The following CSRNP3 variants were observed in gnomAD, a reference collection of about 807,000 sequenced individuals.
The protein encoded by CSRNP3 is cysteine and serine rich nuclear protein 3.
A neutral mutation model predicts 48.0 loss-of-function variants in CSRNP3; 12 were observed. The ratio of observed to expected loss-of-function variants is 0.25; its 90% CI spans 0.16 to 0.41. The LOEUF (loss-of-function observed/expected upper bound fraction) is 0.41, where lower values mean the gene tolerates loss of function less well. Among genes scored for constraint, CSRNP3 ranks in the 10% least tolerant of loss-of-function variants. CSRNP3 has a pLI of 1.00. For missense variants in CSRNP3, 580 were observed against 724.4 expected (o/e 0.80, Z 2.29); for synonymous variants, 263 against 269.7 (o/e 0.98, Z 0.24).
chr2:165,635,914 C>T (rs1686619795), intron 4 of CSRNP3, among the ~76,000 whole-genome samples: 1 of 152,100 alleles, frequency 6.6e-6, no homozygotes, highest in Non-Finnish European at 1.5e-5. Context: ...TCTTTCCCTC[C>T]TCAATTGTTC....
chr2:165,505,002 T>C lies in CSRNP3; in HGVS notation c.-113+10074T>C, dbSNP rs371694811. On this transcript the variant is annotated intron_variant, in intron 2 of 6. Transcript: ENST00000651982. ...CATGCAACCATGCTAAAAAATATAA[T>C]CGTCAACTAGTACATTGTATGGATT... Among the ~76,000 whole-genome samples, 83 of 152,200 alleles carry C rather than the reference T, an allele frequency of 5.5e-4. 2 individuals carry two copies. In the South Asian group the frequency reaches 0.017, roughly 30 times the overall value.
intron 1 of CSRNP3, among the ~76,000 whole-genome samples, chr2:165,477,315 T>C (rs1027302651): frequency 5.9e-5 from 9 of 151,302 alleles, no homozygotes; most frequent in African/African-American, 2.2e-4. Context: ...TAACGAAGGG[T>C]ATGTAATATT....
chr2:165,496,822 G>T (rs1307352595), intron 2 of CSRNP3, among the ~76,000 whole-genome samples: 3 of 151,766 alleles, frequency 2.0e-5, no homozygotes, highest in Non-Finnish European at 4.4e-5. Flanking sequence ...CAACCTCCTA[G>T]GTGTCTATGA....
chr2:165,537,215 G>A (rs1371630840), intron 3 of CSRNP3, among the ~76,000 whole-genome samples: 5 of 151,354 alleles, frequency 3.3e-5, no homozygotes, highest in Non-Finnish European at 1.5e-5. Context: ...TCAACTTCAT[G>A]CTTTTTTTTC....
At chr2:165,649,703 G>C (rs1686873937) in intron 4 of CSRNP3, among the ~76,000 whole-genome samples, 1 of 152,152 alleles carries the variant, frequency 6.6e-6, no homozygotes, top group Admixed American at 6.5e-5. Flanking sequence ...TCACCTAAGT[G>C]GAGGCTACTT....
At chr2:165,485,703 A>C (rs1684102657) in intron 1 of CSRNP3, among the ~76,000 whole-genome samples, 2 of 152,238 alleles carry the variant, frequency 1.3e-5, no homozygotes, top group South Asian at 4.1e-4. Flanking sequence ...CCATGCCTCC[A>C]TCTTCCTATT....
At chr2:165,646,978 G>A (rs1686821954) in intron 4 of CSRNP3, among the ~76,000 whole-genome samples, 1 of 152,006 alleles carries the variant, frequency 6.6e-6, no homozygotes, top group Non-Finnish European at 1.5e-5. Flanking sequence ...AAGTTTTAGT[G>A]TTTAATTGCA....
chr2:165,642,723 C>A (rs1037524136), intron 4 of CSRNP3, among the ~76,000 whole-genome samples: 1 of 152,132 alleles, frequency 6.6e-6, no homozygotes, highest in African/African-American at 2.4e-5. Context: ...CCACCATGCC[C>A]GGCTAATTTT....
At chr2:165,654,889 C>T (rs1289309024) in intron 4 of CSRNP3, among the ~76,000 whole-genome samples, 1 of 152,182 alleles carries the variant, frequency 6.6e-6, no homozygotes, top group African/African-American at 2.4e-5. Context: ...CTTGGCCTCC[C>T]AAAGTGTTGG....
chr2:165,568,241 A>G (rs978723116), intron 3 of CSRNP3, among the ~76,000 whole-genome samples: 4 of 151,818 alleles, frequency 2.6e-5, no homozygotes, highest in African/African-American at 7.3e-5. Flanking sequence ...TGTCTTCTTT[A>G]CTCATTACTT....
intron 1 of CSRNP3, 104 bp from the exon 2 acceptor site, chr2:165,494,655 A>G (rs1245345384): frequency 6.5e-6 from 1 of 153,568 alleles, no homozygotes; most frequent in African/African-American, 2.4e-5. Context: ...GGATATGATA[A>G]TGTGGTTCAA....
intron 2 of CSRNP3, among the ~76,000 whole-genome samples, chr2:165,516,858 G>A (rs1038764485): frequency 3.3e-5 from 5 of 152,164 alleles, no homozygotes; most frequent in East Asian, 3.9e-4. Flanking sequence ...GAATCTTGGC[G>A]GCACAATTTG....
intron 4 of CSRNP3, among the ~76,000 whole-genome samples, chr2:165,615,671 A>G (rs536046532): frequency 6.6e-6 from 1 of 151,774 alleles, no homozygotes; most frequent in East Asian, 1.9e-4. Flanking sequence ...ATGTAATTAT[A>G]GTTATTTCTG....
intron 3 of CSRNP3, among the ~76,000 whole-genome samples, chr2:165,568,553 A>G (rs1685327173): frequency 6.6e-6 from 1 of 152,076 alleles, no homozygotes; most frequent in Admixed American, 6.6e-5. Context: ...AGGGCAGTGA[A>G]TCCTCTTACA....
intron 3 of CSRNP3, among the ~76,000 whole-genome samples, chr2:165,531,080 G>C (rs1486659482): frequency 6.6e-6 from 1 of 151,556 alleles, no homozygotes. Context: ...AGATAATATT[G>C]GTACTCAGTT....
intron 4 of CSRNP3, among the ~76,000 whole-genome samples, chr2:165,631,132 T>G (rs1394395078): frequency 6.6e-6 from 1 of 152,244 alleles, no homozygotes; most frequent in Non-Finnish European, 1.5e-5. Flanking sequence ...GTTTTAAATT[T>G]CAATGTTAAC....
intron 4 of CSRNP3, among the ~76,000 whole-genome samples, chr2:165,647,226 G>T (rs539740329): frequency 6.6e-6 from 1 of 152,312 alleles, no homozygotes; most frequent in East Asian, 1.9e-4. Flanking sequence ...AAGAAATGCA[G>T]ATGCTCATTA....
chr2:165,649,187 TG>T (rs1463344804), intron 4 of CSRNP3, among the ~76,000 whole-genome samples: 2 of 152,252 alleles, frequency 1.3e-5, no homozygotes, highest in Non-Finnish European at 2.9e-5. Context: ...ACACAGTATT[TG>T]CACATATCTT....
intron 3 of CSRNP3, among the ~76,000 whole-genome samples, chr2:165,540,663 C>CT (rs34376726): frequency 1.3e-5 from 2 of 151,670 alleles, no homozygotes; most frequent in African/African-American, 4.8e-5. Context: ...GGCACCAGTT[C>CT]TTTTTTTTCC....
Sources: gnomAD v4.1 joint callset for allele counts (sites outside exome capture counted in the v4.1 genomes callset) on GRCh38, gnomAD v4.1.1 for gene constraint, MANE v1.5 for transcripts, NCBI Gene and HGNC (gene_info 2026-07-23, HGNC 2026-07-21) for gene names.